The following HIVEP3 variants were observed in gnomAD, a reference collection of about 807,000 sequenced individuals.
The protein encoded by HIVEP3 is transcription factor HIVEP3.
In HIVEP3, 49 loss-of-function variants were observed where a neutral mutation model predicts 152.8. That is an observed-to-expected ratio of 0.32 (90% CI 0.26 to 0.41). The LOEUF (loss-of-function observed/expected upper bound fraction) is 0.41, where lower values mean the gene tolerates loss of function less well. HIVEP3 is among the 10% of genes least tolerant of loss of function. The pLI is 1.00. For synonymous variants in HIVEP3, 1,269 were observed against 1,289.0 expected (o/e 0.98, Z 0.33); for missense variants, 2,790 against 3,103.3 (o/e 0.90, Z 2.40).
intron 1 of HIVEP3, among the ~76,000 whole-genome samples, chr1:41,968,776 T>C (rs759092431): frequency 1.3e-5 from 2 of 152,170 alleles, no homozygotes; most frequent in Non-Finnish European, 2.9e-5. Context: ...ACTGGCTCTG[T>C]TTGCAAATGA....
intron 1 of HIVEP3, among the ~76,000 whole-genome samples, chr1:41,968,653 C>A (rs1287069430): frequency 6.6e-6 from 1 of 152,186 alleles, no homozygotes; most frequent in Non-Finnish European, 1.5e-5. Context: ...TGGCACAAGA[C>A]AAGGATGCCC....
chr1:41,881,787 G>A (rs1350661224), intron 1 of HIVEP3, among the ~76,000 whole-genome samples: 1 of 152,192 alleles, frequency 6.6e-6, no homozygotes, highest in South Asian at 2.1e-4. Flanking sequence ...TTTTAAAAAT[G>A]TGTTTTATTA....
chr1:41,791,460 T>C (rs1016358870), intron 1 of HIVEP3, among the ~76,000 whole-genome samples: 1 of 152,236 alleles, frequency 6.6e-6, no homozygotes, highest in African/African-American at 2.4e-5. Flanking sequence ...GGAGCACAGA[T>C]GGCTGCATGG....
At chr1:41,762,345 G>A (rs1647746229) in intron 1 of HIVEP3, among the ~76,000 whole-genome samples, 1 of 152,198 alleles carries the variant, frequency 6.6e-6, no homozygotes, top group Admixed American at 6.5e-5. Flanking sequence ...ACCCACTGAA[G>A]GTAAGTATGA....
intron 1 of HIVEP3, among the ~76,000 whole-genome samples, chr1:41,742,009 G>A (rs1395610069): frequency 6.6e-6 from 1 of 152,164 alleles, no homozygotes; most frequent in Non-Finnish European, 1.5e-5. Flanking sequence ...TTGATTTGTG[G>A]CAAGATAATG....
chr1:41,659,625 G>C (rs1238607128), intron 2 of HIVEP3, among the ~76,000 whole-genome samples: 4 of 152,216 alleles, frequency 2.6e-5, no homozygotes, highest in African/African-American at 4.8e-5. Context: ...CTCTCTGCTA[G>C]ATGCTGCGGT....
intron 1 of HIVEP3, among the ~76,000 whole-genome samples, chr1:41,883,813 T>A (rs1644300325): frequency 6.6e-6 from 1 of 152,036 alleles, no homozygotes; most frequent in African/African-American, 2.4e-5. Context: ...GCCACCTCCA[T>A]CTGGAAACAC....
intron 1 of HIVEP3, among the ~76,000 whole-genome samples, chr1:41,783,705 A>G (rs549089896): frequency 6.6e-6 from 1 of 152,298 alleles, no homozygotes; most frequent in South Asian, 2.1e-4. Flanking sequence ...CTTGCTGGAG[A>G]TGACATTCGT....
At chr1:41,968,464 A>G (rs1645211509) in intron 1 of HIVEP3, among the ~76,000 whole-genome samples, 1 of 152,198 alleles carries the variant, frequency 6.6e-6, no homozygotes, top group Non-Finnish European at 1.5e-5. Flanking sequence ...AAATCACATG[A>G]TTATCTCAAT....
intron 1 of HIVEP3, among the ~76,000 whole-genome samples, chr1:41,756,766 A>C (rs1219413079): frequency 3.3e-5 from 5 of 152,216 alleles, no homozygotes; most frequent in African/African-American, 1.2e-4. Flanking sequence ...AAAAAGTTAT[A>C]TGAATATATA....
At chr1:41,861,193 G>A (rs1643883809) in intron 1 of HIVEP3, among the ~76,000 whole-genome samples, 2 of 152,226 alleles carry the variant, frequency 1.3e-5, no homozygotes, top group Admixed American at 1.3e-4. Flanking sequence ...TGGGGACCAT[G>A]TTATAGCTGA....
intron 3 of HIVEP3, among the ~76,000 whole-genome samples, chr1:41,625,216 A>G (rs1378850682): frequency 8.2e-6 from 1 of 122,408 alleles, no homozygotes; most frequent in South Asian, 2.5e-4. Flanking sequence ...CTTTGCAGTC[A>G]AGCCAAACGA....
At chr1:41,626,000 C>G (rs184165381) in intron 3 of HIVEP3, among the ~76,000 whole-genome samples, 2 of 152,208 alleles carry the variant, frequency 1.3e-5, no homozygotes, top group African/African-American at 4.8e-5. Flanking sequence ...TGAGAAATTG[C>G]TTCCATATCC....
At chr1:41,910,284 C>A (rs902774169) in intron 1 of HIVEP3, among the ~76,000 whole-genome samples, 1 of 151,858 alleles carries the variant, frequency 6.6e-6, no homozygotes, top group African/African-American at 2.4e-5. Context: ...TTATAAGTAG[C>A]TTCAAGGTAA....
In HIVEP3 at chr1:41,581,999, G is replaced by A. The variant is rs754979907; in HGVS notation, c.2799C>T (p.Ser933=). 6.8e-6 allele frequency: 11 copies of A among 1,614,174 alleles called. No individual in the cohort carries two copies. The South Asian group carries it at 1.2e-4, about 18-fold the overall frequency. Residue 933 remains serine (S), a synonymous_variant, in exon 4 of 9, where the codon AGC becomes AGT. Coordinates refer to ENST00000372583, the MANE Select transcript of HIVEP3 (RefSeq NM_024503.5). This position sits in a 1 kb window ranked among gnomAD's most constrained non-coding sequence, Gnocchi z 4.5. ...CACTCAAAGAGACATTGCTTTCCTG[G>A]CTCGGGCTGCGAGACAGAGGCACAG... The part of the protein sequence containing the change: ...ESSVPLSRSP[S]QESNVSLSGS...
intron 2 of HIVEP3, among the ~76,000 whole-genome samples, chr1:41,654,236 C>T (rs1258808673): frequency 2.6e-5 from 4 of 152,166 alleles, no homozygotes; most frequent in African/African-American, 7.2e-5. Flanking sequence ...ATGAAATTCA[C>T]GTGGGGGCAG....
intron 3 of HIVEP3, among the ~76,000 whole-genome samples, chr1:41,587,560 C>T (rs943964984): frequency 3.9e-5 from 6 of 152,220 alleles, no homozygotes; most frequent in Admixed American, 2.0e-4. Context: ...ATTTGCCTTA[C>T]GGCCAAAACT....
At chr1:41,782,588 T>C (rs888327803) in intron 1 of HIVEP3, among the ~76,000 whole-genome samples, 6 of 151,768 alleles carry the variant, frequency 4.0e-5, no homozygotes, top group African/African-American at 1.5e-4. Flanking sequence ...AAAAATTAGC[T>C]GGGCGTGGTG....
intron 5 of HIVEP3, among the ~76,000 whole-genome samples, chr1:41,547,183 G>A (rs983665944): frequency 6.6e-6 from 1 of 152,186 alleles, no homozygotes; most frequent in Non-Finnish European, 1.5e-5. Flanking sequence ...ATCCTGCCCA[G>A]GCTTGCGGAT....
Sources: gnomAD v4.1 joint callset for allele counts (sites outside exome capture counted in the v4.1 genomes callset) on GRCh38, gnomAD v4.1.1 for gene constraint, Gnocchi (gnomAD v3.1) non-coding constraint, MANE v1.5 for transcripts, NCBI Gene and HGNC (gene_info 2026-07-23, HGNC 2026-07-21) for gene names.